Variants in TTC19 observed in about 807,000 individuals in gnomAD.
TTC19 encodes the protein tetratricopeptide repeat domain 19.
TTC19 carries 38 observed loss-of-function variants against 49.5 expected under a neutral mutation model. The ratio of observed to expected loss-of-function variants is 0.77; its 90% CI spans 0.59 to 1.01. The LOEUF is 1.01. Among genes scored for constraint, TTC19 ranks in the 50% least tolerant of loss-of-function variants. TTC19 has a pLI of 0.00. For synonymous variants in TTC19, 204 were observed against 185.2 expected (o/e 1.10, Z -0.83); for missense variants, 475 against 477.7 (o/e 0.99, Z 0.05).
chr17:16,022,181 C>G (rs1168769796), intron 7 of TTC19, among the ~76,000 whole-genome samples: 2 of 152,158 alleles, frequency 1.3e-5, no homozygotes, highest in African/African-American at 2.4e-5. Flanking sequence ...TCCTGGATTA[C>G]AGAGACAACT....
intron 3 of TTC19, 91 bp downstream of exon 3, chr17:16,002,116 C>A: frequency 2.3e-6 from 2 of 882,888 alleles, no homozygotes; most frequent in Non-Finnish European, 1.9e-6. Context: ...TCCTGACTTT[C>A]ACGATGTTCT....
downstream of TTC19, chr17:16,032,607 A>G: frequency 1.2e-6 from 1 of 862,412 alleles, no homozygotes; most frequent in South Asian, 2.0e-5. Flanking sequence ...CATGAAAGCA[A>G]AATGAATACA....
chr17:16,035,217 T>TG (rs1974031479), intron 2 of TTC19, among the ~76,000 whole-genome samples: 1 of 152,218 alleles, frequency 6.6e-6, no homozygotes, highest in Non-Finnish European at 1.5e-5. Flanking sequence ...GGGATGGCTG[T>TG]GGCAATTTCT....
intron 8 of TTC19, 74 bp downstream of exon 8, chr17:16,025,245 C>T (rs1242135414): frequency 6.7e-7 from 1 of 1,485,322 alleles, no homozygotes; most frequent in Non-Finnish European, 9.3e-7. Flanking sequence ...ATGTCACACT[C>T]ATTGGTAACA....
chr17:16,008,389 A>G (rs1970972839), intron 7 of TTC19, among the ~76,000 whole-genome samples: 1 of 152,186 alleles, frequency 6.6e-6, no homozygotes, highest in Non-Finnish European at 1.5e-5. Context: ...GCTTTGGCCA[A>G]GAACCTAAGA....
chr17:16,001,740 C>T (rs1970740898), intron 2 of TTC19, among the ~76,000 whole-genome samples, 175 bp from the exon 3 acceptor site: 1 of 152,196 alleles, frequency 6.6e-6, no homozygotes, highest in Admixed American at 6.5e-5. Flanking sequence ...GGGAGGCTGA[C>T]CTCCCTGTCA....
intron 2 of TTC19, among the ~76,000 whole-genome samples, chr17:16,043,694 G>A (rs1597743121): frequency 6.6e-6 from 1 of 152,340 alleles, no homozygotes; most frequent in East Asian, 1.9e-4. Flanking sequence ...AAGGTGAAAT[G>A]ATTTGCATCT....
Position 16,028,437 on chromosome 17 carries a change from G to C in TTC19, c.*915G>C, listed in dbSNP as rs1193872973. 4.4e-6 allele frequency: 2 copies of C among 453,928 alleles called. No individual in the cohort carries two copies. Among genetic ancestry groups the C allele is most frequent in the Non-Finnish European group, 8.8e-6 (2 of 226,782 alleles). The allele number at this position is 453,928 out of a possible 1,614,324, so 28.1% of individuals were successfully genotyped here. On this transcript the variant is annotated 3_prime_UTR_variant, in exon 10 of 10. Coordinates refer to ENST00000261647, the MANE Select transcript of TTC19 (RefSeq NM_017775.4). ...TAGCCTTTTTGCTTTTGCAATTTCA[G>C]TATCTTCATCTCTAAACTAGGGAAA...
chr17:16,000,469 A>G, intron 2 of TTC19: 1 of 1,318,778 alleles, frequency 7.6e-7, no homozygotes, highest in Non-Finnish European at 9.9e-7. Flanking sequence ...TCAAGTGCAA[A>G]TGGAGATGGC....
At chr17:16,044,168 CAAAAAAAAAAA>C (rs34691717) in intron 2 of TTC19, among the ~76,000 whole-genome samples, 1 of 82,796 alleles carries the variant, frequency 1.2e-5, no homozygotes, top group South Asian at 5.1e-4. Context: ...GACTCCATCT[CAAAAAAAAAAA>C]AAAAAAAAAG....
At chr17:16,025,278 C>A (rs1971515922) in intron 8 of TTC19, 107 bp downstream of exon 8, 1 of 1,139,624 alleles carries the variant, frequency 8.8e-7, no homozygotes, top group Non-Finnish European at 1.3e-6. Flanking sequence ...GGTCCTAGAT[C>A]CTCCTTGGTC....
chr17:16,016,398 C>CA (rs1488668920), intron 7 of TTC19, among the ~76,000 whole-genome samples: 1 of 152,108 alleles, frequency 6.6e-6, no homozygotes, highest in Non-Finnish European at 1.5e-5. Flanking sequence ...TGTATGGCCT[C>CA]ACATATGGCT....
At chr17:16,034,775 G>A (rs1162348245) in intron 2 of TTC19, 1 of 1,612,426 alleles carries the variant, frequency 6.2e-7, no homozygotes, top group Non-Finnish European at 8.5e-7. Flanking sequence ...CTGTTGAAGA[G>A]GGCCTGTCTT....
downstream of TTC19, chr17:16,032,336 A>G: frequency 6.2e-7 from 1 of 1,614,044 alleles, no homozygotes; most frequent in East Asian, 2.2e-5. Context: ...CTGTGCTGAG[A>G]GCAGTGGGGC....
At chr17:16,010,650 T>A (rs1971043549) in intron 7 of TTC19, among the ~76,000 whole-genome samples, 2 of 151,584 alleles carry the variant, frequency 1.3e-5, no homozygotes, top group Non-Finnish European at 2.9e-5. Flanking sequence ...ATTTTTGTAT[T>A]TTTAGTAGAG....
chr17:16,038,538 G>A (rs1401495981), intron 2 of TTC19, among the ~76,000 whole-genome samples: 1 of 151,780 alleles, frequency 6.6e-6, no homozygotes, highest in Non-Finnish European at 1.5e-5. Flanking sequence ...CTGGGCTCAA[G>A]TGATCTTCCC....
chr17:16,032,317 G>C (rs373779692), downstream of TTC19: 15 of 1,613,240 alleles, frequency 9.3e-6, no homozygotes, highest in Non-Finnish European at 1.2e-5. Flanking sequence ...TATCCGACAG[G>C]GTCTCGTACT....
chr17:16,000,494 G>A (rs1970691271), intron 2 of TTC19: 2 of 1,092,212 alleles, frequency 1.8e-6, no homozygotes, highest in Non-Finnish European at 2.4e-6. Flanking sequence ...TAGGCATCAC[G>A]CTTTATGCAA....
chr17:16,001,400 A>G (rs1313135311), intron 2 of TTC19, among the ~76,000 whole-genome samples: 1 of 151,454 alleles, frequency 6.6e-6, no homozygotes, highest in Non-Finnish European at 1.5e-5. Context: ...CTCATTCTCT[A>G]CCCTCTGTTT....
Sources: allele counts gnomAD v4.1 joint callset (sites outside exome capture counted in the v4.1 genomes callset), GRCh38; gene constraint gnomAD v4.1.1; transcripts MANE v1.5; gene names NCBI Gene and HGNC (gene_info 2026-07-23, HGNC 2026-07-21).